The following CDC25A variants were observed in gnomAD, a reference collection of about 807,000 sequenced individuals.
The protein encoded by CDC25A is cell division cycle 25A.
Under a neutral mutation model 64.6 loss-of-function variants are expected in CDC25A, and 17 were observed. The observed-to-expected ratio is 0.26, with a 90% CI of 0.18 to 0.39. The LOEUF is 0.39. Among genes scored for constraint, CDC25A ranks in the 10% least tolerant of loss-of-function variants. CDC25A has a pLI of 1.00. For synonymous variants in CDC25A, 229 were observed against 238.6 expected, an observed-to-expected ratio of 0.96 and a Z score of 0.37; for missense variants, 473 against 654.8, an observed-to-expected ratio of 0.72 and a Z score of 3.03.
chr3:48,176,306 T>C (rs2032453692), intron 8 of CDC25A, among the ~76,000 whole-genome samples: 1 of 152,100 alleles, frequency 6.6e-6, no homozygotes, highest in Non-Finnish European at 1.5e-5. Flanking sequence ...TCTCTGAACA[T>C]ACAGGTGTAT....
At chr3:48,159,294 T>C in intron 14 of CDC25A, 50 bp downstream of exon 14, 2 of 1,406,372 alleles carry the variant, frequency 1.4e-6, no homozygotes. Flanking sequence ...TCCATTAGTC[T>C]ACCACTGGGG....
chr3:48,177,512 G>T, intron 7 of CDC25A, 70 bp from the exon 8 acceptor site: 1 of 1,183,672 alleles, frequency 8.4e-7, no homozygotes, highest in Non-Finnish European at 1.3e-6. Flanking sequence ...TGCTTTAGGT[G>T]TGTTTCTCCC....
chr3:48,187,576 C>T (rs975836737), intron 1 of CDC25A, among the ~76,000 whole-genome samples: 11 of 152,260 alleles, frequency 7.2e-5, no homozygotes, highest in Admixed American at 6.5e-4. Context: ...CACCTCTTCC[C>T]CTGGAAGGTC....
At chr3:48,174,597 TC>T in intron 8 of CDC25A, 140 bp from the exon 9 acceptor site, 2 of 733,080 alleles carry the variant, frequency 2.7e-6, no homozygotes, top group Non-Finnish European at 4.4e-6. Flanking sequence ...ATTCATCTAG[TC>T]CTAGCAACTC....
At chr3:48,183,328 C>G (rs1424919308) in intron 4 of CDC25A, among the ~76,000 whole-genome samples, 1 of 152,190 alleles carries the variant, frequency 6.6e-6, no homozygotes, top group East Asian at 1.9e-4. Context: ...CAAAAGAACC[C>G]TTCCTGGTTT....
At chr3:48,179,996 G>T (rs192271464) in intron 6 of CDC25A, among the ~76,000 whole-genome samples, 10 of 152,304 alleles carry the variant, frequency 6.6e-5, no homozygotes, top group African/African-American at 2.2e-4. Context: ...AACTTTGGAA[G>T]TAATGACAGT....
At position 48,164,663 on chromosome 3, in the gene CDC25A, G is replaced by A. The variant is rs955953425; in HGVS notation, c.1192-226C>T. Among the ~76,000 whole-genome samples the A allele has an allele frequency of 2.6e-5, 4 of 152,286 alleles. No homozygotes were observed. The Middle Eastern group carries it at 0.01, about 388-fold the overall frequency. On this transcript the variant is annotated intron_variant, in intron 12 of 14. Coordinates refer to ENST00000302506, the MANE Select transcript of CDC25A (RefSeq NM_001789.3). The stretch of plus-strand genomic sequence containing the variant: ...TCATACAGTAATGCACATGGGGACT[G>A]GAAATGGGCAATTCAAATATGACAA...
intron 13 of CDC25A, among the ~76,000 whole-genome samples, chr3:48,162,517 A>C (rs2031817182): frequency 1.3e-5 from 2 of 151,918 alleles, no homozygotes; most frequent in Non-Finnish European, 2.9e-5. Flanking sequence ...TACAGGTGCC[A>C]CTGTGCCCAG....
intron 12 of CDC25A, among the ~76,000 whole-genome samples, chr3:48,165,195 A>G (rs1459255744): frequency 6.6e-6 from 1 of 151,306 alleles, no homozygotes; most frequent in African/African-American, 2.4e-5. Flanking sequence ...TCCACCAGGC[A>G]GCTTGCTGAA....
chr3:48,183,436 T>C (rs2032738408), intron 4 of CDC25A, among the ~76,000 whole-genome samples: 1 of 152,214 alleles, frequency 6.6e-6, no homozygotes, highest in Admixed American at 6.5e-5. Context: ...GGCTCTTGCC[T>C]ATAATCCTAG....
chr3:48,160,560 G>A (rs574700563), intron 13 of CDC25A, among the ~76,000 whole-genome samples: 19 of 151,704 alleles, frequency 1.3e-4, no homozygotes, highest in East Asian at 9.7e-4. Context: ...ACAGGTGTCC[G>A]CCACCACGCC....
At chr3:48,184,539 C>T (rs2032780810) in intron 3 of CDC25A, 114 bp downstream of exon 3, 6 of 713,534 alleles carry the variant, frequency 8.4e-6, no homozygotes, top group Non-Finnish European at 1.2e-5. Context: ...TGTTTCTAGG[C>T]ACAGGTAAAT....
chr3:48,168,512 G>A (rs1325264196), intron 9 of CDC25A, among the ~76,000 whole-genome samples: 1 of 151,758 alleles, frequency 6.6e-6, no homozygotes, highest in Non-Finnish European at 1.5e-5. Context: ...AGTGGTGATG[G>A]TGCCACTGCA....
At chr3:48,165,107 C>CAAAAAAAAAAAAAAAAAAAA (rs11370901) in intron 12 of CDC25A, among the ~76,000 whole-genome samples, 1 of 84,966 alleles carries the variant, frequency 1.2e-5, no homozygotes, top group African/African-American at 4.5e-5. Context: ...GACTCTGTCT[C>CAAAAAAAAAAAAAAAAAAAA]AAAAAAAAAA....
At chr3:48,172,517 T>A (rs1268359888) in intron 9 of CDC25A, among the ~76,000 whole-genome samples, 2 of 151,900 alleles carry the variant, frequency 1.3e-5, no homozygotes, top group Non-Finnish European at 2.9e-5. Context: ...ACAGAATAAA[T>A]AGAAAAAATA....
rs1429877608 is a variant in CDC25A, at chr3:48,174,320, G to A, written c.894C>T (p.Ser298=). The change falls in exon 9 of 15, where the codon AGC becomes AGT. Residue 298 remains serine, a synonymous_variant. Transcript: ENST00000302506. ...TCTCTGGATTAGTTGACTCTTTGGG[G>A]CTGGCCCCAGACATGCTCTTCCTCC... The part of the protein sequence containing the change: ...TKRRKSMSGA[S]PKESTNPEKA... 1 of 1,614,128 alleles carries A rather than the reference G, an allele frequency of 6.2e-7. No individual in the cohort carries two copies. The highest frequency in any genetic ancestry group is 8.5e-7 in the Non-Finnish European group (1 of 1,179,990).
At chr3:48,169,836 C>T (rs1190714617) in intron 9 of CDC25A, among the ~76,000 whole-genome samples, 3 of 151,800 alleles carry the variant, frequency 2.0e-5, no homozygotes, top group Non-Finnish European at 2.9e-5. Flanking sequence ...GGTGAAACCC[C>T]GTCTCTACTA....
In CDC25A at chr3:48,187,898, C is replaced by T; in HGVS notation, c.50G>A (p.Cys17Tyr). 1 of 1,544,230 alleles carries T rather than the reference C, an allele frequency of 6.5e-7. No individual in the cohort carries two copies. Among genetic ancestry groups the T allele is most frequent in the South Asian group, 1.2e-5 (1 of 83,828 alleles). Residue 17 changes from cysteine to tyrosine, a missense_variant, in exon 1 of 15, where the codon TGC becomes TAC. Around this residue, in one of 2 missense-constraint regions of CDC25A, gnomAD observed 376 missense variants for 431.9 expected, o/e 0.87. Coordinates refer to ENST00000302506, the MANE Select transcript of CDC25A (RefSeq NM_001789.3). ...GGGCTGCGACGCGGGAGGGGGGCTG[C>T]AGGCGAAGAGCAGGCGGCGGCGGTG... is the stretch of plus-strand genomic sequence containing the variant. The part of the protein sequence containing the change: ...PPHRRRLLFA[C>Y]SPPPASQPVV...
chr3:48,169,714 G>A lies in CDC25A; in HGVS notation c.931-1770C>T, dbSNP rs549124762. Reference sequence around the variant, plus strand: ...CTGGATATTTGACATTTGATAGTAAGAAATTTAGCTCTGCCGGGCGTGGTG... The same window carrying A: ...CTGGATATTTGACATTTGATAGTAAAAAATTTAGCTCTGCCGGGCGTGGTG... On this transcript the variant is annotated intron_variant, in intron 9 of 14. Coordinates refer to ENST00000302506, the MANE Select transcript of CDC25A (RefSeq NM_001789.3). Among the ~76,000 whole-genome samples, 28 of 152,222 alleles carry A rather than the reference G, an allele frequency of 1.8e-4. No homozygotes were observed. In the South Asian group the frequency reaches 5.8e-3, roughly 32 times the overall value.
Sources: allele counts gnomAD v4.1 joint callset (sites outside exome capture counted in the v4.1 genomes callset), GRCh38; gene constraint gnomAD v4.1.1; regional missense constraint gnomAD v4.1.1; transcripts MANE v1.5; gene names NCBI Gene and HGNC (gene_info 2026-07-23, HGNC 2026-07-21).